Variants in SCHIP1 observed in about 807,000 individuals in gnomAD.
SCHIP1 encodes schwannomin-interacting protein 1.
SCHIP1 carries 8 observed loss-of-function variants against 29.7 expected under a neutral mutation model. That is an observed-to-expected ratio of 0.27 (90% CI 0.16 to 0.49). SCHIP1 has a LOEUF of 0.49. SCHIP1 is among the 20% of genes least tolerant of loss of function. SCHIP1 has a pLI of 0.99. For synonymous variants in SCHIP1, 76 were observed against 94.9 expected, an observed-to-expected ratio of 0.80 and a Z score of 1.16; for missense variants, 193 against 294.6, an observed-to-expected ratio of 0.66 and a Z score of 2.52.
chr3:159,648,064 G>A, the SCHIP1 span, among the ~76,000 whole-genome samples: 1 of 152,086 alleles, frequency 6.6e-6, no homozygotes. Context: ...TGGCTACCAA[G>A]CCAGCACTGA....
chr3:159,365,651 C>T, the SCHIP1 span, among the ~76,000 whole-genome samples: 4 of 152,230 alleles, frequency 2.6e-5, no homozygotes, highest in Non-Finnish European at 4.4e-5. Context: ...GATCTAGAGT[C>T]GTCCCCTGGA....
At chr3:159,473,510 C>T in the SCHIP1 span, among the ~76,000 whole-genome samples, 1 of 151,698 alleles carries the variant, frequency 6.6e-6, no homozygotes, top group Non-Finnish European at 1.5e-5. Flanking sequence ...TTATATTTGA[C>T]AGGAAAATAT....
At chr3:159,384,591 C>A in the SCHIP1 span, among the ~76,000 whole-genome samples, 1 of 151,692 alleles carries the variant, frequency 6.6e-6, no homozygotes, top group Non-Finnish European at 1.5e-5. Context: ...GTGTCTCTGC[C>A]TGGCTGTGGT....
At chr3:159,626,578 T>C in the SCHIP1 span, among the ~76,000 whole-genome samples, 13 of 152,088 alleles carry the variant, frequency 8.5e-5, no homozygotes, top group African/African-American at 2.7e-4. Context: ...GATAGTAAAC[T>C]CAAGAGGTTA....
the SCHIP1 span, among the ~76,000 whole-genome samples, chr3:159,412,185 T>C: frequency 6.6e-6 from 1 of 152,164 alleles, no homozygotes; most frequent in Non-Finnish European, 1.5e-5. Flanking sequence ...ACTTAGCCAA[T>C]AACTAGTGAA....
chr3:159,678,065 C>A, the SCHIP1 span, among the ~76,000 whole-genome samples: 163 of 152,342 alleles, frequency 1.1e-3, no homozygotes, highest in African/African-American at 3.7e-3. Flanking sequence ...ATTTCACAAA[C>A]CTGTGAAAGC....
At chr3:159,856,642 A>C (rs1435175805) in intron 1 of SCHIP1, among the ~76,000 whole-genome samples, 1 of 152,206 alleles carries the variant, frequency 6.6e-6, no homozygotes, top group African/African-American at 2.4e-5. Flanking sequence ...AGCTGACAGC[A>C]GGGCGGTGAG....
chr3:159,308,248 A>G, the SCHIP1 span, among the ~76,000 whole-genome samples: 1 of 152,080 alleles, frequency 6.6e-6, no homozygotes, highest in South Asian at 2.1e-4. Flanking sequence ...TCTACAGCCT[A>G]CAGAATGGAA....
chr3:159,857,620 C>T (rs2109169209), intron 1 of SCHIP1, among the ~76,000 whole-genome samples: 1 of 152,244 alleles, frequency 6.6e-6, no homozygotes, highest in Middle Eastern at 3.4e-3. Flanking sequence ...CCTCTGACAA[C>T]CGCTAATTTA....
chr3:159,841,344 A>G (rs1276666931), intron 1 of SCHIP1, among the ~76,000 whole-genome samples: 1 of 152,202 alleles, frequency 6.6e-6, no homozygotes, highest in Non-Finnish European at 1.5e-5. Flanking sequence ...ATTTTATGGT[A>G]CATTTAGGGC....
chr3:159,514,791 C>A, the SCHIP1 span, among the ~76,000 whole-genome samples: 1 of 152,228 alleles, frequency 6.6e-6, no homozygotes, highest in African/African-American at 2.4e-5. Flanking sequence ...TGGTATCCAG[C>A]TGCTTCCTAG....
the SCHIP1 span, among the ~76,000 whole-genome samples, chr3:159,439,565 G>A: frequency 6.6e-6 from 1 of 152,052 alleles, no homozygotes; most frequent in South Asian, 2.1e-4. Flanking sequence ...AAGAGATTTG[G>A]GTGGGGACAC....
chr3:159,469,645 T>A, the SCHIP1 span, among the ~76,000 whole-genome samples: 1 of 152,226 alleles, frequency 6.6e-6, no homozygotes, highest in Non-Finnish European at 1.5e-5. Flanking sequence ...GAGAACGGCA[T>A]CTTTAAAAAG....
the SCHIP1 span, among the ~76,000 whole-genome samples, chr3:159,338,389 G>A: frequency 6.6e-6 from 1 of 152,144 alleles, no homozygotes; most frequent in Admixed American, 6.6e-5. Context: ...CTTTGATGTA[G>A]GACCGTCTAC....
the SCHIP1 span, among the ~76,000 whole-genome samples, chr3:159,702,456 T>C: frequency 6.6e-6 from 1 of 152,186 alleles, no homozygotes; most frequent in Non-Finnish European, 1.5e-5. Context: ...ATAACAGAAA[T>C]TTACTCAATG....
At chr3:159,454,292 C>T in the SCHIP1 span, among the ~76,000 whole-genome samples, 5 of 152,030 alleles carry the variant, frequency 3.3e-5, 1 homozygote, top group African/African-American at 1.2e-4. Flanking sequence ...GTTTGAGAAC[C>T]GCTGACTTAG....
the SCHIP1 span, among the ~76,000 whole-genome samples, chr3:159,467,514 A>C: frequency 6.6e-6 from 1 of 152,072 alleles, no homozygotes; most frequent in Non-Finnish European, 1.5e-5. Context: ...AAAAATAAAA[A>C]GAACTGGCCA....
chr3:159,476,718 C>T, the SCHIP1 span, among the ~76,000 whole-genome samples: 1 of 151,984 alleles, frequency 6.6e-6, no homozygotes, highest in Non-Finnish European at 1.5e-5. Context: ...TATTTATGGG[C>T]TACAATGTGA....
the SCHIP1 span, among the ~76,000 whole-genome samples, chr3:159,540,583 G>A: frequency 6.6e-6 from 1 of 151,996 alleles, no homozygotes; most frequent in Non-Finnish European, 1.5e-5. Flanking sequence ...AGACCACCAC[G>A]GCACCTTTTG....
Sources: allele counts gnomAD v4.1 joint callset (sites outside exome capture counted in the v4.1 genomes callset), GRCh38; gene constraint gnomAD v4.1.1; transcripts MANE v1.5; gene names NCBI Gene and HGNC (gene_info 2026-07-23, HGNC 2026-07-21).